Variants in SLC23A2 observed in about 807,000 individuals in gnomAD.
SLC23A2 encodes the protein solute carrier family 23 member 2.
In SLC23A2, 36 loss-of-function variants were observed where a neutral mutation model predicts 73.3. The ratio of observed to expected loss-of-function variants is 0.49; its 90% CI spans 0.38 to 0.65. The LOEUF is 0.65. Ranked by LOEUF, SLC23A2 falls within the 30% of genes least tolerant of loss-of-function variation. The probability of loss-of-function intolerance (pLI) is 0.00; values close to 1 mark genes in which losing one functional copy is unlikely to be tolerated. For missense variants in SLC23A2, 507 were observed against 841.6 expected, an observed-to-expected ratio of 0.60 and a Z score of 4.92; for synonymous variants, 343 against 327.3, an observed-to-expected ratio of 1.05 and a Z score of -0.52.
intron 1 of SLC23A2, among the ~76,000 whole-genome samples, chr20:4,992,747 T>A (rs7268804): frequency 2.0e-5 from 3 of 151,596 alleles, no homozygotes; most frequent in African/African-American, 7.3e-5. Context: ...TGACCTCAGG[T>A]GATCTGCCCA....
At chr20:4,969,929 T>A (rs994009795) in intron 2 of SLC23A2, among the ~76,000 whole-genome samples, 4 of 151,872 alleles carry the variant, frequency 2.6e-5, no homozygotes, top group East Asian at 1.9e-4. Flanking sequence ...TAGCAAAAAA[T>A]TAAAAATAAT....
At chr20:4,918,372 G>A (rs1043377277) in intron 3 of SLC23A2, among the ~76,000 whole-genome samples, 1 of 152,172 alleles carries the variant, frequency 6.6e-6, no homozygotes, top group Admixed American at 6.5e-5. Flanking sequence ...AATCAGCTAT[G>A]AAAGGAGGTT....
rs1328263202 is a variant in SLC23A2, at chr20:4,862,685, T to C, written c.1486+93A>G. ...TGTATTTTAAAATAGAAATTTATCGTTACCTTCTTACTGAAGGGAGTCAGC... is the reference window on the plus strand; with the variant it reads ...TGTATTTTAAAATAGAAATTTATCGCTACCTTCTTACTGAAGGGAGTCAGC... On this transcript the variant is annotated intron_variant, in intron 14 of 16. Transcript: ENST00000338244. This position sits in a 1 kb window ranked among gnomAD's most constrained non-coding sequence, Gnocchi z 5.1. 1.7e-6 allele frequency: 2 copies of C among 1,145,202 alleles called. No individual in the cohort carries two copies. The highest frequency in any genetic ancestry group is 2.5e-6 in the Non-Finnish European group (2 of 803,434). The allele number at this position is 1,145,202 out of a possible 1,614,324, so 70.9% of individuals were successfully genotyped here.
At chr20:4,979,059 C>A (rs6076761) in intron 1 of SLC23A2, among the ~76,000 whole-genome samples, 1 of 152,224 alleles carries the variant, frequency 6.6e-6, no homozygotes, top group East Asian at 1.9e-4. Flanking sequence ...CTTTGGGAGG[C>A]TGAGGCGGGC....
intron 1 of SLC23A2, among the ~76,000 whole-genome samples, chr20:4,989,281 GA>G (rs1207373345): frequency 2.0e-5 from 3 of 146,610 alleles, no homozygotes; most frequent in East Asian, 2.0e-4. Flanking sequence ...TAGGAAGGAG[GA>G]AAAAAAAAGA....
Position 4,998,708 on chromosome 20 carries a change from T to C in SLC23A2, c.-282+2698A>G, listed in dbSNP as rs1420030252. Among the ~76,000 whole-genome samples, 3 of 152,120 alleles carry C rather than the reference T, an allele frequency of 2.0e-5. No individual in the cohort carries two copies. Among genetic ancestry groups the C allele is most frequent in the Non-Finnish European group, 4.4e-5 (3 of 68,024 alleles). On this transcript the variant is annotated intron_variant, in intron 1 of 16. Transcript: ENST00000338244. This position sits in a 1 kb window ranked among gnomAD's most constrained non-coding sequence, Gnocchi z 4.1. ...CAGGAAGGACTGTAAGATGTTTAAATTTAAAAAGCCTAAGAGGATTAAATA... is the reference window on the plus strand; with the variant it reads ...CAGGAAGGACTGTAAGATGTTTAAACTTAAAAAGCCTAAGAGGATTAAATA...
intron 2 of SLC23A2, among the ~76,000 whole-genome samples, chr20:4,967,270 G>A (rs2087489111): frequency 6.6e-6 from 1 of 152,060 alleles, no homozygotes; most frequent in Non-Finnish European, 1.5e-5. Context: ...GAAGTCATGG[G>A]ACAAATTTAT....
In SLC23A2 at chr20:4,867,044, T is replaced by C. The variant is rs1305209840; in HGVS notation, c.1356+726A>G. ...CCATGGTCTATTCTCATCACTGCAG[T>C]CAAAGCGATCCCTAAAAAAAAAAAA... On this transcript the variant is annotated intron_variant, in intron 13 of 16. Coordinates refer to ENST00000338244, the MANE Select transcript of SLC23A2 (RefSeq NM_005116.6). Among the ~76,000 whole-genome samples the C allele has an allele frequency of 2.7e-5, 3 of 111,562 alleles. No individual in the cohort carries two copies. The East Asian group carries it at 7.5e-4, about 28-fold the overall frequency. The allele number at this position is 111,562 out of a possible 152,430, so 73.2% of individuals were successfully genotyped here.
intron 3 of SLC23A2, among the ~76,000 whole-genome samples, chr20:4,929,128 C>T (rs1352383053): frequency 2.0e-5 from 3 of 151,824 alleles, no homozygotes; most frequent in African/African-American, 7.3e-5. Context: ...TAGCCAGGCC[C>T]AGTAGCACGT....
At chr20:4,870,645 C>T (rs1482187294) in intron 11 of SLC23A2, among the ~76,000 whole-genome samples, 1 of 152,048 alleles carries the variant, frequency 6.6e-6, no homozygotes, top group Non-Finnish European at 1.5e-5. Flanking sequence ...CTCTTTCCTG[C>T]TTCCAAGCCA....
chr20:4,861,965 T>C lies in SLC23A2; in HGVS notation c.1607A>G (p.Gln536Arg). 6.2e-7 allele frequency: 1 copy of C among 1,614,188 alleles called. No individual in the cohort carries two copies. Among genetic ancestry groups the C allele is most frequent in the Non-Finnish European group, 8.5e-7 (1 of 1,180,028 alleles). The change falls in exon 15 of 17, where the codon CAG (glutamine) becomes CGG (arginine). Residue 536 changes from glutamine (Q) to arginine (R), a missense_variant. Physicochemically the swap from Gln to Arg is conservative, Grantham distance 43 (BLOSUM62 1). Transcript: ENST00000338244. Reference protein sequence around the residue: ...FGLVLPSYLRQNPLVTGITGI... With the variant: ...FGLVLPSYLRRNPLVTGITGI... ...TTCCTCACCTGTGACCAGAGGGTTC[T>C]GTCTGAGGTAACTTGGAAGGACGAG...
At chr20:4,986,657 C>T (rs995606656) in intron 1 of SLC23A2, among the ~76,000 whole-genome samples, 10 of 119,298 alleles carry the variant, frequency 8.4e-5, no homozygotes, top group African/African-American at 2.3e-4. Flanking sequence ...CATACACACA[C>T]ACACACACAC....
chr20:4,874,764 G>A, intron 9 of SLC23A2, 68 bp from the exon 10 acceptor site: 3 of 1,343,174 alleles, frequency 2.2e-6, no homozygotes, highest in Non-Finnish European at 3.0e-6. Flanking sequence ...AACACTCGAA[G>A]CTTCTATGGC....
intron 3 of SLC23A2, among the ~76,000 whole-genome samples, chr20:4,916,694 CT>C (rs1932333604): frequency 6.6e-6 from 1 of 152,108 alleles, no homozygotes; most frequent in Admixed American, 6.5e-5. Context: ...AATGGTTAAA[CT>C]TAGGATTTTT....
intron 3 of SLC23A2, among the ~76,000 whole-genome samples, chr20:4,918,277 A>G (rs1019903404): frequency 1.3e-5 from 2 of 152,176 alleles, no homozygotes; most frequent in African/African-American, 4.8e-5. Flanking sequence ...CCCTTTTGGG[A>G]ACAAGATGTC....
chr20:4,905,343 G>GC (rs890888921), intron 4 of SLC23A2, among the ~76,000 whole-genome samples: 4 of 152,026 alleles, frequency 2.6e-5, no homozygotes, highest in Non-Finnish European at 4.4e-5. Flanking sequence ...CAGACGCTGT[G>GC]CCCCCCCTCC....
At chr20:4,942,049 G>A (rs2087050286) in intron 2 of SLC23A2, among the ~76,000 whole-genome samples, 1 of 152,012 alleles carries the variant, frequency 6.6e-6, no homozygotes, top group Non-Finnish European at 1.5e-5. Flanking sequence ...ACCCCTAAGA[G>A]CCTCATGGTG....
intron 5 of SLC23A2, among the ~76,000 whole-genome samples, chr20:4,901,424 G>A (rs1245111986): frequency 3.3e-5 from 5 of 152,168 alleles, no homozygotes; most frequent in Non-Finnish European, 7.3e-5. Context: ...TCAGAACAGA[G>A]TCCAAGTTAA....
intron 2 of SLC23A2, among the ~76,000 whole-genome samples, chr20:4,957,454 A>C (rs2087308801): frequency 6.6e-6 from 1 of 151,908 alleles, no homozygotes; most frequent in Non-Finnish European, 1.5e-5. Flanking sequence ...GAGCGACACT[A>C]TCTCTAAAAA....
Sources: gnomAD v4.1 joint callset for allele counts (sites outside exome capture counted in the v4.1 genomes callset) on GRCh38, gnomAD v4.1.1 for gene constraint, Gnocchi (gnomAD v3.1) non-coding constraint, MANE v1.5 for transcripts, NCBI Gene and HGNC (gene_info 2026-07-23, HGNC 2026-07-21) for gene names.